AK1: variants seen among roughly 807,000 people sequenced by gnomAD.
The protein encoded by AK1 is adenylate kinase 1, also known as adenylate kinase isoenzyme 1.
A neutral mutation model predicts 23.9 loss-of-function variants in AK1; 13 were observed. The observed-to-expected ratio is 0.54, with a 90% CI of 0.35 to 0.86. The LOEUF (loss-of-function observed/expected upper bound fraction) is 0.86. Ranked by LOEUF, AK1 falls within the 40% of genes least tolerant of loss-of-function variation. AK1 has a pLI of 0.01. For synonymous variants in AK1, 97 were observed against 102.8 expected, an observed-to-expected ratio of 0.94 and a Z score of 0.34; for missense variants, 214 against 255.1, an observed-to-expected ratio of 0.84 and a Z score of 1.10.
intron 2 of AK1, chr9:127,874,062 C>G (rs1414151795): frequency 8.1e-6 from 8 of 985,352 alleles, no homozygotes; most frequent in Non-Finnish European, 9.6e-6. Context: ...GCAGCAGCAG[C>G]AGGCCCGCTG....
At chr9:127,875,345 A>G (rs1829513957) in intron 1 of AK1, among the ~76,000 whole-genome samples, 2 of 149,986 alleles carry the variant, frequency 1.3e-5, no homozygotes, top group Non-Finnish European at 3.0e-5. Context: ...CATGAGCCCA[A>G]TCACACCTGC....
In AK1 at chr9:127,867,490, G is replaced by A. The variant is rs181578124; in HGVS notation, c.*518C>T. On this transcript the variant is annotated 3_prime_UTR_variant, in exon 7 of 7. Transcript: ENST00000644144. Reference sequence around the variant, plus strand: ...CACTCAGACCATGACCTTGCTGCCTGTGCAGTCCAGGCCCCGGCAAGGGCC... The same window carrying A: ...CACTCAGACCATGACCTTGCTGCCTATGCAGTCCAGGCCCCGGCAAGGGCC... 197 of 171,032 alleles carry A rather than the reference G, an allele frequency of 1.2e-3. 2 individuals are homozygous for A. In the South Asian group the frequency reaches 0.016, roughly 14 times the overall value. 10.6% of individuals were successfully genotyped at this position (171,032 alleles called of 1,614,324 possible). A position where few individuals can be genotyped will look rare whatever the true frequency, so the allele number is the denominator to read the frequency against.
intron 1 of AK1, among the ~76,000 whole-genome samples, chr9:127,875,871 A>G (rs1434652455): frequency 6.6e-6 from 1 of 152,198 alleles, no homozygotes; most frequent in Non-Finnish European, 1.5e-5. Flanking sequence ...TGTGCTAAGT[A>G]AGGGGCCTGG....
rs765240669 is a variant in AK1 at position 127,874,598 on chromosome 9, A to T, written c.7+13T>A. 1.2e-6 allele frequency: 2 copies of T among 1,613,408 alleles called. No homozygotes were observed. Among genetic ancestry groups the T allele is most frequent in the East Asian group, 4.5e-5 (2 of 44,872 alleles). On this transcript the variant is annotated intron_variant, in intron 2 of 6. Transcript: ENST00000644144. The stretch of plus-strand genomic sequence containing the variant: ...AGGCCCAGGCAATGGGCAAAAGGAG[A>T]GGAGGCTCATACCTTCCATCCTGCC...
Position 127,871,875 on chromosome 9 carries a change from A to G in AK1, c.272T>C (p.Leu91Pro). The G allele has an allele frequency of 6.2e-7, 1 of 1,614,156 alleles. No individual in the cohort carries two copies. The highest frequency in any genetic ancestry group is 8.5e-7 in the Non-Finnish European group (1 of 1,180,036). Residue 91 changes from leucine (L) to proline (P), a missense_variant, in exon 5 of 7, where the codon CTG becomes CCG. Coordinates refer to ENST00000644144, the MANE Select transcript of AK1 (RefSeq NM_000476.3). The surrounding 1 kb of genome is among the most constrained non-coding windows in gnomAD (Gnocchi z 4.4). Reference protein sequence around the residue: ...VAKVNTSKGFLIDGYPREVQQ... With the variant: ...VAKVNTSKGFPIDGYPREVQQ... ...CACCTCCCGCGGGTAGCCATCAATC[A>G]GGAAGCCTTTGGAAGTATTGACTTT...
chr9:127,871,942 G>A lies in AK1; in HGVS notation c.208-3C>T, dbSNP rs756778564. ...CGGAGCATGTCCAACACTGTCTCCT[G>A]GGGCACAGCAAAGGAGGAAGGGGCC... On this transcript the variant is annotated splice_region_variant and splice_polypyrimidine_tract_variant and intron_variant, in intron 4 of 6. Transcript: ENST00000644144. This position sits in a 1 kb window ranked among gnomAD's most constrained non-coding sequence, Gnocchi z 4.4. The A allele has an allele frequency of 6.2e-7, 1 of 1,611,932 alleles. No individual in the cohort carries two copies. The highest frequency in any genetic ancestry group is 8.5e-7 in the Non-Finnish European group (1 of 1,178,210).
rs1829281558 is a variant in AK1, at chr9:127,867,870, T to A, written c.*138A>T. 1.2e-6 allele frequency: 1 copy of A among 800,808 alleles called. No homozygotes were observed. Among genetic ancestry groups the A allele is most frequent in the South Asian group, 1.5e-5 (1 of 67,036 alleles). 49.6% of individuals were successfully genotyped at this position (800,808 alleles called of 1,614,324 possible). A position where few individuals can be genotyped will look rare whatever the true frequency, so the allele number is the denominator to read the frequency against. ...TAGAAATTCCTTTAGTGCTCAGCTG[T>A]CCATGAAAACAGGATAAGCGGCTTC... On this transcript the variant is annotated 3_prime_UTR_variant, in exon 7 of 7. Coordinates refer to ENST00000644144, the MANE Select transcript of AK1 (RefSeq NM_000476.3).
chr9:127,873,719 G>A (rs961580835), intron 2 of AK1: 6 of 985,338 alleles, frequency 6.1e-6, no homozygotes, highest in Non-Finnish European at 7.2e-6. Context: ...CTGAGCTCGA[G>A]AGAGGGAAGG....
chr9:127,871,456 A>AG lies in AK1; in HGVS notation c.324+366dup. On this transcript the variant is annotated intron_variant, in intron 5 of 6. Transcript: ENST00000644144. This position sits in a 1 kb window ranked among gnomAD's most constrained non-coding sequence, Gnocchi z 4.4. ...ATAGGGAGCCAAGGCCCACACTGGA[A>AG]GGGCACATCCTCTCCAGTCCCCACA... is the stretch of plus-strand genomic sequence containing the variant. Among the ~76,000 whole-genome samples the AG allele has an allele frequency of 6.6e-6, 1 of 151,542 alleles. No homozygotes were observed. Among genetic ancestry groups the AG allele is most frequent in the Middle Eastern group, 3.4e-3 (1 of 294 alleles).
At chr9:127,875,664 C>T (rs1009374040) in intron 1 of AK1, among the ~76,000 whole-genome samples, 22 of 151,994 alleles carry the variant, frequency 1.4e-4, no homozygotes, top group Admixed American at 1.3e-3. Context: ...TCCATGCCCC[C>T]GAGACAGGCC....
chr9:127,875,517 T>G (rs922964923), intron 1 of AK1, among the ~76,000 whole-genome samples: 2 of 150,660 alleles, frequency 1.3e-5, no homozygotes, highest in African/African-American at 4.9e-5. Context: ...CCTCCAGCCT[T>G]GACCTCCAGC....
At chr9:127,878,807 G>T (rs775105931), upstream of AK1, among the ~76,000 whole-genome samples, 2 of 152,158 alleles carry the variant, frequency 1.3e-5, no homozygotes, top group Non-Finnish European at 2.9e-5. Flanking sequence ...CCCATCTGTG[G>T]GGGGGCAGGT....
intron 5 of AK1, among the ~76,000 whole-genome samples, chr9:127,870,824 ATGGGAATGGG>A (rs1829383565): frequency 6.9e-6 from 1 of 144,036 alleles, no homozygotes; most frequent in Non-Finnish European, 1.5e-5. Flanking sequence ...GGAATGGGGC[ATGGGAATGGG>A]GCATGGGGAT....
Position 127,868,931 on chromosome 9 carries a change from C to A in AK1, c.325-419G>T, listed in dbSNP as rs931726319. On this transcript the variant is annotated intron_variant, in intron 5 of 6. Coordinates refer to ENST00000644144, the MANE Select transcript of AK1 (RefSeq NM_000476.3). The surrounding 1 kb of genome is among the most constrained non-coding windows in gnomAD (Gnocchi z 4.1). ...CTCAGGGCAGTCTCTCTGATGCCAC[C>A]CCCCGCCCCCCAGTACTCCCCGCCT... Among the ~76,000 whole-genome samples the A allele has an allele frequency of 6.7e-6, 1 of 149,988 alleles. No homozygotes were observed. Among genetic ancestry groups the A allele is most frequent in the Non-Finnish European group, 1.5e-5 (1 of 68,034 alleles).
intron 2 of AK1, chr9:127,873,506 C>T (rs1829468022): frequency 9.0e-6 from 13 of 1,445,882 alleles, no homozygotes; most frequent in East Asian, 2.5e-5. Flanking sequence ...GGCCCTGGGC[C>T]GGCCCATCAC....
chr9:127,868,472 G>A lies in AK1; in HGVS notation c.365C>T (p.Pro122Leu). 1 of 1,603,254 alleles carries A rather than the reference G, an allele frequency of 6.2e-7. No homozygotes were observed. Among genetic ancestry groups the A allele is most frequent in the Non-Finnish European group, 8.5e-7 (1 of 1,174,876 alleles). Reference sequence around the variant, plus strand: ...CAAGAGCCGCTGGGTCATGGTCTCAGGGCCTGCGTCCACATACAGCAGCAG... The same window carrying A: ...CAAGAGCCGCTGGGTCATGGTCTCAAGGCCTGCGTCCACATACAGCAGCAG... Reference protein sequence around the residue: ...PTLLLYVDAGPETMTQRLLKR... With the variant: ...PTLLLYVDAGLETMTQRLLKR... The change falls in exon 6 of 7, where the codon CCT becomes CTT. Residue 122 changes from proline (P) to leucine (L), a missense_variant. Physicochemically the swap from Pro to Leu is moderately conservative, Grantham distance 98. Coordinates refer to ENST00000644144, the MANE Select transcript of AK1 (RefSeq NM_000476.3). This position sits in a 1 kb window ranked among gnomAD's most constrained non-coding sequence, Gnocchi z 4.1.
Position 127,868,521 on chromosome 9 carries a change from G to T in AK1, c.325-9C>A, listed in dbSNP as rs145431113. On this transcript the variant is annotated splice_polypyrimidine_tract_variant and intron_variant, in intron 5 of 6. Transcript: ENST00000644144. The surrounding 1 kb of genome is among the most constrained non-coding windows in gnomAD (Gnocchi z 4.1). The stretch of plus-strand genomic sequence containing the variant: ...AGTGTGGGCTGTCCAATCTGCAGGC[G>T]GGCACCATGTCACAGGGACCCCATT... The T allele has an allele frequency of 2.5e-6, 4 of 1,570,658 alleles. No individual in the cohort carries two copies. Among genetic ancestry groups the T allele is most frequent in the Non-Finnish European group, 3.5e-6 (4 of 1,157,574 alleles).
chr9:127,873,342 G>A (rs916301694), intron 2 of AK1: 24 of 1,548,636 alleles, frequency 1.5e-5, no homozygotes, highest in Non-Finnish European at 2.0e-5. Flanking sequence ...GGGCTGGGCC[G>A]CCAGCCCTCA....
Position 127,868,187 on chromosome 9 carries a change from G to T in AK1, c.517-111C>A. On this transcript the variant is annotated intron_variant, in intron 6 of 6. Transcript: ENST00000644144. This position sits in a 1 kb window ranked among gnomAD's most constrained non-coding sequence, Gnocchi z 4.1. ...CTCCCCGAGCCCAACCTAATTGACA[G>T]CAGCCCCTCATTGAACCAGTGGGGA... 6.8e-7 allele frequency: 1 copy of T among 1,461,742 alleles called. No individual in the cohort carries two copies. The highest frequency in any genetic ancestry group is 9.5e-7 in the Non-Finnish European group (1 of 1,056,730). The allele number at this position is 1,461,742 out of a possible 1,614,324, so 90.5% of individuals were successfully genotyped here. A position where few individuals can be genotyped will look rare whatever the true frequency, so the allele number is the denominator to read the frequency against.
Sources: gnomAD v4.1 joint callset for allele counts (sites outside exome capture counted in the v4.1 genomes callset) on GRCh38, gnomAD v4.1.1 for gene constraint, Gnocchi (gnomAD v3.1) non-coding constraint, MANE v1.5 for transcripts, NCBI Gene and HGNC (gene_info 2026-07-23, HGNC 2026-07-21) for gene names.